Variants in SYN3 observed in about 807,000 individuals in gnomAD.
The protein encoded by SYN3 is synapsin-3.
Under a neutral mutation model 65.8 loss-of-function variants are expected in SYN3, and 35 were observed. The observed-to-expected ratio is 0.53, with a 90% CI of 0.41 to 0.70. The LOEUF (loss-of-function observed/expected upper bound fraction) is 0.70. Ranked by LOEUF, SYN3 falls within the 30% of genes least tolerant of loss-of-function variation. The pLI is 0.00. For synonymous variants in SYN3, 270 were observed against 292.9 expected, an observed-to-expected ratio of 0.92 and a Z score of 0.80; for missense variants, 680 against 749.0, an observed-to-expected ratio of 0.91 and a Z score of 1.08.
chr22:32,984,161 CAAAAA>C (rs35678412), intron 2 of SYN3, among the ~76,000 whole-genome samples: 1 of 93,016 alleles, frequency 1.1e-5, no homozygotes, highest in Non-Finnish European at 2.1e-5. Flanking sequence ...AAACTCCATC[CAAAAA>C]AAAAAAAAAA....
intron 1 of SYN3, among the ~76,000 whole-genome samples, chr22:33,047,386 G>A (rs543666985): frequency 4.6e-5 from 7 of 152,274 alleles, no homozygotes; most frequent in Middle Eastern, 3.4e-3. Context: ...TGCTTTCAAC[G>A]TGGAGCCATA....
At chr22:32,775,318 C>T (rs2045882471) in intron 6 of SYN3, among the ~76,000 whole-genome samples, 1 of 152,148 alleles carries the variant, frequency 6.6e-6, no homozygotes, top group Non-Finnish European at 1.5e-5. Context: ...GGCCCTATCA[C>T]TAAATACAGC....
chr22:32,734,146 C>T (rs777773781), intron 6 of SYN3, among the ~76,000 whole-genome samples: 2 of 152,156 alleles, frequency 1.3e-5, no homozygotes, highest in Non-Finnish European at 2.9e-5. Context: ...AATCCCTCAT[C>T]TGGTGTCTGA....
chr22:32,828,254 T>C (rs1392735873), intron 6 of SYN3, among the ~76,000 whole-genome samples: 1 of 152,230 alleles, frequency 6.6e-6, no homozygotes, highest in Non-Finnish European at 1.5e-5. Flanking sequence ...TTAGCTCTTA[T>C]GCTCCAGCCT....
intron 6 of SYN3, among the ~76,000 whole-genome samples, chr22:32,710,098 CAT>C (rs1491560588): frequency 0.021 from 2,660 of 129,598 alleles, 70 homozygotes; most frequent in African/African-American, 0.058. Flanking sequence ...CACACACACA[CAT>C]GTGTGTGTGT....
rs61583056 is a variant in SYN3 at position 32,773,406 on chromosome 22, C to CA, written c.711+91508dup. ...TGGGCAACGGAGCCAGACTCTGTCTCAAAAAAAAAAAAAAAAAAAAAAAAA... is the reference window on the plus strand; with the variant it reads ...TGGGCAACGGAGCCAGACTCTGTCTCAAAAAAAAAAAAAAAAAAAAAAAAAA... On this transcript the variant is annotated intron_variant, in intron 6 of 13. Transcript: ENST00000358763. Among the ~76,000 whole-genome samples the CA allele has an allele frequency of 8.0e-3, 725 of 91,138 alleles. 28 individuals carry two copies. Among genetic ancestry groups the CA allele is most frequent in the East Asian group, 0.017 (49 of 2,946 alleles). The allele number at this position is 91,138 out of a possible 152,430, so 59.8% of individuals were successfully genotyped here.
chr22:33,010,601 T>C (rs1401355733), intron 1 of SYN3, among the ~76,000 whole-genome samples: 1 of 152,176 alleles, frequency 6.6e-6, no homozygotes, highest in African/African-American at 2.4e-5. Flanking sequence ...GTAAAGTGAG[T>C]CCTCCAACTT....
chr22:32,586,088 ATATG>A (rs1290288326), intron 7 of SYN3, among the ~76,000 whole-genome samples: 2 of 97,320 alleles, frequency 2.1e-5, no homozygotes, highest in African/African-American at 2.9e-5. Flanking sequence ...ATACATGTAT[ATATG>A]TATATATGTA....
At chr22:33,055,764 T>C (rs1200396468) in intron 1 of SYN3, among the ~76,000 whole-genome samples, 2 of 152,248 alleles carry the variant, frequency 1.3e-5, no homozygotes, top group Non-Finnish European at 2.9e-5. Flanking sequence ...TATCACATAC[T>C]GGCTATGCAA....
intron 6 of SYN3, among the ~76,000 whole-genome samples, chr22:32,640,107 T>C (rs1346269857): frequency 6.6e-6 from 1 of 152,170 alleles, no homozygotes; most frequent in Non-Finnish European, 1.5e-5. Flanking sequence ...GCTTTTTCTC[T>C]CCTCCCTCTG....
chr22:33,022,777 C>T (rs997331471), intron 1 of SYN3, among the ~76,000 whole-genome samples: 1 of 152,124 alleles, frequency 6.6e-6, no homozygotes, highest in Admixed American at 6.5e-5. Flanking sequence ...CTCCCACAAA[C>T]TGAAATATAT....
intron 6 of SYN3, among the ~76,000 whole-genome samples, chr22:32,811,616 T>C (rs1174148187): frequency 2.0e-5 from 3 of 152,230 alleles, no homozygotes; most frequent in Non-Finnish European, 4.4e-5. Flanking sequence ...TTCACAACTC[T>C]TCACATTTTA....
chr22:32,968,094 C>T (rs1055578462), intron 3 of SYN3, among the ~76,000 whole-genome samples: 2 of 152,214 alleles, frequency 1.3e-5, no homozygotes, highest in African/African-American at 4.8e-5. Context: ...TTGGCAATGG[C>T]TCGCTTTCAA....
At chr22:32,751,744 A>G (rs1184239641) in intron 6 of SYN3, among the ~76,000 whole-genome samples, 1 of 152,190 alleles carries the variant, frequency 6.6e-6, no homozygotes, top group Non-Finnish European at 1.5e-5. Context: ...CGTTGAGGAA[A>G]GGCTTGCAGG....
At chr22:32,551,739 TG>T (rs2058418831) in intron 7 of SYN3, among the ~76,000 whole-genome samples, 1 of 152,182 alleles carries the variant, frequency 6.6e-6, no homozygotes, top group Non-Finnish European at 1.5e-5. Context: ...AAGAAGCTTT[TG>T]TGTGTTAGAA....
intron 1 of SYN3, among the ~76,000 whole-genome samples, chr22:33,016,865 TC>T (rs1274366238): frequency 2.0e-5 from 3 of 152,234 alleles, no homozygotes; most frequent in African/African-American, 4.8e-5. Context: ...GCATCTTTAT[TC>T]ATTGCTTCTT....
chr22:32,606,855 T>A (rs2059379646), intron 6 of SYN3, among the ~76,000 whole-genome samples: 1 of 151,588 alleles, frequency 6.6e-6, no homozygotes, highest in Admixed American at 6.6e-5. Context: ...AAAATAATTA[T>A]TTATTTATTT....
chr22:32,891,731 G>A (rs1394453714), intron 4 of SYN3, among the ~76,000 whole-genome samples: 3 of 152,068 alleles, frequency 2.0e-5, no homozygotes, highest in African/African-American at 7.2e-5. Flanking sequence ...ACCAAGGCAG[G>A]CAGCAGGTGC....
intron 6 of SYN3, among the ~76,000 whole-genome samples, chr22:32,596,993 C>T (rs908437982): frequency 6.6e-6 from 1 of 152,124 alleles, no homozygotes; most frequent in Non-Finnish European, 1.5e-5. Context: ...TGGAGTGGGA[C>T]AAACCAACTG....
Sources: allele counts gnomAD v4.1 joint callset (sites outside exome capture counted in the v4.1 genomes callset), GRCh38; gene constraint gnomAD v4.1.1; transcripts MANE v1.5; gene names NCBI Gene and HGNC (gene_info 2026-07-23, HGNC 2026-07-21).